The following DISP2 variants were observed in gnomAD, a reference collection of about 807,000 sequenced individuals.
The protein encoded by DISP2 is dispatched RND transporter family member 2.
Under a neutral mutation model 95.5 loss-of-function variants are expected in DISP2, and 59 were observed. The observed-to-expected ratio is 0.62, with a 90% CI of 0.50 to 0.77. DISP2 has a LOEUF of 0.77. Among genes scored for constraint, DISP2 ranks in the 30% least tolerant of loss-of-function variants. The pLI is 0.00. For synonymous variants in DISP2, 827 were observed against 815.0 expected (o/e 1.01, Z -0.25); for missense variants, 1,752 against 1,854.6 (o/e 0.94, Z 1.02).
chr15:40,361,182 A>G (rs1254032307), intron 1 of DISP2, among the ~76,000 whole-genome samples: 2 of 152,248 alleles, frequency 1.3e-5, no homozygotes, highest in African/African-American at 2.4e-5. Flanking sequence ...AAAAATAAGT[A>G]TCAGTGATTA....
Position 40,372,611 on chromosome 15 carries a change from T to G in DISP2, c.*2293T>G, listed in dbSNP as rs920004566. ...GGGTCTGCTGGGACCTCTCTCTTCATGTCCAGGTAGCATTCGGCCTCTCTG... is the reference window on the plus strand; with the variant it reads ...GGGTCTGCTGGGACCTCTCTCTTCAGGTCCAGGTAGCATTCGGCCTCTCTG... On this transcript the variant is annotated 3_prime_UTR_variant, in exon 8 of 8. Coordinates refer to ENST00000267889, the MANE Select transcript of DISP2 (RefSeq NM_033510.3). 7 of 152,220 alleles carry G rather than the reference T, an allele frequency of 4.6e-5. No homozygotes were observed. The highest frequency in any genetic ancestry group is 1.2e-4 in the African/African-American group (5 of 41,440). 9.4% of individuals were successfully genotyped at this position (152,220 alleles called of 1,614,324 possible).
intron 1 of DISP2, among the ~76,000 whole-genome samples, chr15:40,361,176 A>G (rs1889400138): frequency 6.6e-6 from 1 of 152,256 alleles, no homozygotes; most frequent in African/African-American, 2.4e-5. Context: ...TTTGTAAAAA[A>G]TAAGTATCAG....
At chr15:40,364,655 T>C in intron 4 of DISP2, 111 bp downstream of exon 4, 4 of 1,515,480 alleles carry the variant, frequency 2.6e-6, no homozygotes, top group Non-Finnish European at 2.7e-6. Context: ...AGGGTAGCCA[T>C]GGTAGGCTCT....
At chr15:40,365,577 C>T (rs1889484117) in intron 6 of DISP2, 51 bp from the exon 7 acceptor site, 1 of 1,602,596 alleles carries the variant, frequency 6.2e-7, no homozygotes, top group Non-Finnish European at 8.6e-7. Flanking sequence ...TTGGAGGACC[C>T]AGGACCTGGG....
chr15:40,373,221 T>G lies in DISP2; in HGVS notation c.*2903T>G, dbSNP rs1011121379. Reference sequence around the variant, plus strand: ...CTGGAGACATGGCTTACAAGCACGCTGTGAGGCGTACAAAAATGAGTCAAA... The same window carrying G: ...CTGGAGACATGGCTTACAAGCACGCGGTGAGGCGTACAAAAATGAGTCAAA... On this transcript the variant is annotated 3_prime_UTR_variant, in exon 8 of 8. Coordinates refer to ENST00000267889, the MANE Select transcript of DISP2 (RefSeq NM_033510.3). 6.6e-6 allele frequency: 1 copy of G among 152,184 alleles called. No individual in the cohort carries two copies. Among genetic ancestry groups the G allele is most frequent in the Non-Finnish European group, 1.5e-5 (1 of 68,036 alleles). The allele number at this position is 152,184 out of a possible 1,614,324, so 9.4% of individuals were successfully genotyped here.
intron 1 of DISP2, among the ~76,000 whole-genome samples, chr15:40,362,406 G>A (rs866838653): frequency 1.8e-4 from 28 of 152,250 alleles, no homozygotes; most frequent in African/African-American, 6.8e-4. Flanking sequence ...GGCAAGGACC[G>A]GGTCTTCTTC....
chr15:40,367,395 A>C lies in DISP2; in HGVS notation c.1283A>C (p.Tyr428Ser). The change falls in exon 8 of 8, where the codon TAC (tyrosine) becomes TCC (serine). Residue 428 changes from tyrosine to serine, a missense_variant. Around this residue, in one of 5 missense-constraint regions of DISP2, gnomAD observed 732 missense variants for 714.6 expected, o/e 1.02. Coordinates refer to ENST00000267889, the MANE Select transcript of DISP2 (RefSeq NM_033510.3). ...TTTCTGAGTCCCCAGACCACTGACTACCAGGTGCCTTCCCTCAAGTACAGC... is the reference window on the plus strand; with the variant it reads ...TTTCTGAGTCCCCAGACCACTGACTCCCAGGTGCCTTCCCTCAAGTACAGC... The part of the protein sequence containing the change: ...RDFLSPQTTD[Y>S]QVPSLKYSLL... The C allele has an allele frequency of 6.2e-7, 1 of 1,613,394 alleles. No individual in the cohort carries two copies. The highest frequency in any genetic ancestry group is 1.1e-5 in the South Asian group (1 of 91,032).
At chr15:40,365,572 G>C (rs981222051) in intron 6 of DISP2, 56 bp from the exon 7 acceptor site, 1 of 1,588,302 alleles carries the variant, frequency 6.3e-7, no homozygotes, top group East Asian at 2.2e-5. Context: ...TCCCTTTGGA[G>C]GACCCAGGAC....
Position 40,369,524 on chromosome 15 carries a change from G to T in DISP2, c.3412G>T (p.Asp1138Tyr), listed in dbSNP as rs772555216. Reference protein sequence around the residue: ...AHLPWDAGTGDPGGEKAGRPR... With the variant: ...AHLPWDAGTGYPGGEKAGRPR... ...CCTGCCATGGGATGCTGGTACTGGG[G>T]ACCCTGGTGGGGAGAAGGCAGGCCG... The change falls in exon 8 of 8, where the codon GAC becomes TAC. Residue 1138 changes from aspartate (D) to tyrosine (Y), a missense_variant. This residue lies in a region of DISP2 where 347 missense variants were observed against 344.2 expected (regional missense o/e 1.01). Coordinates refer to ENST00000267889, the MANE Select transcript of DISP2 (RefSeq NM_033510.3). 7.4e-6 allele frequency: 12 copies of T among 1,612,944 alleles called. No homozygotes were observed. The highest frequency in any genetic ancestry group is 1.0e-5 in the Non-Finnish European group (12 of 1,179,998).
chr15:40,358,356 G>A lies in DISP2; in HGVS notation c.35G>A (p.Ser12Asn), dbSNP rs749053379. Residue 12 changes from serine to asparagine, a missense_variant, in exon 1 of 8, where the codon AGC becomes AAC. Physicochemically the swap from Ser to Asn is conservative, Grantham distance 46. Transcript: ENST00000267889. ...DGDSSSSSGG[S>N]GPAPGPGPEG... ...GACAGCAGCAGCAGCAGCGGCGGCA[G>A]CGGTCCGGCTCCCGGCCCGGGTCCG... 6.5e-6 allele frequency: 9 copies of A among 1,387,946 alleles called. No individual in the cohort carries two copies. The South Asian group carries it at 1.4e-4, about 22-fold the overall frequency. 86.0% of individuals were successfully genotyped at this position (1,387,946 alleles called of 1,614,324 possible).
rs1238742877 is a variant in DISP2 at position 40,378,269 on chromosome 15, AAAT to A, written c.*7953_*7955del. On this transcript the variant is annotated 3_prime_UTR_variant, in exon 8 of 8. Transcript: ENST00000267889. ...AAGTAGAGACTAGGAAGATATTTTTAAATACCCACTTTGAATTTTAGAGACGAA... is the reference window on the plus strand; with the variant it reads ...AAGTAGAGACTAGGAAGATATTTTTAACCCACTTTGAATTTTAGAGACGAA... 58 of 152,356 alleles carry A rather than the reference AAAT, an allele frequency of 3.8e-4. No homozygotes were observed. The highest frequency in any genetic ancestry group is 1.3e-3 in the African/African-American group (56 of 41,582). 9.4% of individuals were successfully genotyped at this position (152,356 alleles called of 1,614,324 possible).
rs778292880 is a variant in DISP2, at chr15:40,365,709, G to A, written c.929G>A (p.Arg310His). 2.8e-5 allele frequency: 45 copies of A among 1,613,894 alleles called. No individual in the cohort carries two copies. Among genetic ancestry groups the A allele is most frequent in the South Asian group, 1.5e-4 (14 of 91,082 alleles). Residue 310 changes from arginine to histidine, a missense_variant, in exon 7 of 8, where the codon CGC becomes CAC. Coordinates refer to ENST00000267889, the MANE Select transcript of DISP2 (RefSeq NM_033510.3). ...WNLHAIHSMC[R>H]MEQDQIRSHT... ...CTGCATGCCATCCATTCCATGTGTCGCATGGAACAGGACCAGGTGAGCTGG... is the reference window on the plus strand; with the variant it reads ...CTGCATGCCATCCATTCCATGTGTCACATGGAACAGGACCAGGTGAGCTGG...
In DISP2 at chr15:40,371,081, C is replaced by T. The variant is rs1304877964; in HGVS notation, c.*763C>T. 1.9e-5 allele frequency: 3 copies of T among 161,166 alleles called. No individual in the cohort carries two copies. Among genetic ancestry groups the T allele is most frequent in the Non-Finnish European group, 4.1e-5 (3 of 72,862 alleles). 10.0% of individuals were successfully genotyped at this position (161,166 alleles called of 1,614,324 possible). On this transcript the variant is annotated 3_prime_UTR_variant, in exon 8 of 8. Coordinates refer to ENST00000267889, the MANE Select transcript of DISP2 (RefSeq NM_033510.3). Reference sequence around the variant, plus strand: ...ACATTTTAGTCTCCTTGGAATCTATCTCACTACTTCACTACAGGGTAGCCT... The same window carrying T: ...ACATTTTAGTCTCCTTGGAATCTATTTCACTACTTCACTACAGGGTAGCCT...
At position 40,368,114 on chromosome 15, in the gene DISP2, C is replaced by T. The variant is rs919886288; in HGVS notation, c.2002C>T (p.Leu668=). The T allele has an allele frequency of 7.3e-7, 1 of 1,369,110 alleles. No individual in the cohort carries two copies. Among genetic ancestry groups the T allele is most frequent in the African/African-American group, 1.5e-5 (1 of 65,520 alleles). The allele number at this position is 1,369,110 out of a possible 1,614,324, so 84.8% of individuals were successfully genotyped here. Residue 668 remains leucine (L), a synonymous_variant, in exon 8 of 8, where the codon CTA becomes TTA. Coordinates refer to ENST00000267889, the MANE Select transcript of DISP2 (RefSeq NM_033510.3). ...GRWEGSAPRR[L]LLALHRRLRG... ...GTGGGAGGGCAGCGCGCCCCGGCGGCTACTGCTGGCGCTGCACCGGCGGCT... is the reference window on the plus strand; with the variant it reads ...GTGGGAGGGCAGCGCGCCCCGGCGGTTACTGCTGGCGCTGCACCGGCGGCT...
Position 40,368,144 on chromosome 15 carries a change from G to A in DISP2, c.2032G>A (p.Gly678Ser). The A allele has an allele frequency of 1.3e-6, 2 of 1,505,298 alleles. No individual in the cohort carries two copies. Among genetic ancestry groups the A allele is most frequent in the Non-Finnish European group, 1.8e-6 (2 of 1,135,316 alleles). 93.2% of individuals were successfully genotyped at this position (1,505,298 alleles called of 1,614,324 possible). A position where few individuals can be genotyped will look rare whatever the true frequency, so the allele number is the denominator to read the frequency against. ...LLLALHRRLRGLRRAAAGTSR... is the reference protein window; with the variant it reads ...LLLALHRRLRSLRRAAAGTSR... ...GCTGGCGCTGCACCGGCGGCTCCGC[G>A]GCCTGCGGAGGGCGGCGGCTGGCAC... Residue 678 changes from glycine (G) to serine (S), a missense_variant, in exon 8 of 8, where the codon GGC becomes AGC. Transcript: ENST00000267889.
intron 1 of DISP2, among the ~76,000 whole-genome samples, chr15:40,361,675 A>G (rs187033809): frequency 2.8e-4 from 43 of 152,350 alleles, no homozygotes; most frequent in Admixed American, 2.5e-3. Context: ...AAAGAAAGAA[A>G]GAGCATGTTT....
chr15:40,364,711 C>T, intron 4 of DISP2, 127 bp from the exon 5 acceptor site: 1 of 1,393,394 alleles, frequency 7.2e-7, no homozygotes, highest in Non-Finnish European at 9.7e-7. Context: ...TTCAGACTCA[C>T]ATCCACAATT....
At position 40,368,619 on chromosome 15, in the gene DISP2, G is replaced by GT; in HGVS notation, c.2510dup (p.Val838ArgfsTer19). 2 of 1,608,006 alleles carry GT rather than the reference G, an allele frequency of 1.2e-6. No homozygotes were observed. Among genetic ancestry groups the GT allele is most frequent in the Non-Finnish European group, 1.7e-6 (2 of 1,179,994 alleles). On this transcript the variant is annotated frameshift_variant, in exon 8 of 8. Transcript: ENST00000267889. LOFTEE classifies it high-confidence loss of function. ...CTGCAGGAAGGCTGGCCCACGCTGT[G>GT]TTTCGTGGAGACCCTCCAGCGCTGG...
chr15:40,366,787 C>T (rs779719461), intron 7 of DISP2, among the ~76,000 whole-genome samples: 3 of 152,294 alleles, frequency 2.0e-5, no homozygotes, highest in Non-Finnish European at 2.9e-5. Flanking sequence ...GGGTGTGTGA[C>T]CTACAGGGGC....
Sources: gnomAD v4.1 joint callset for allele counts (sites outside exome capture counted in the v4.1 genomes callset) on GRCh38, gnomAD v4.1.1 for gene constraint, gnomAD v4.1.1 regional missense constraint, MANE v1.5 for transcripts, NCBI Gene and HGNC (gene_info 2026-07-23, HGNC 2026-07-21) for gene names.